The following STXBP5L variants were observed in gnomAD, a reference collection of about 807,000 sequenced individuals.
The protein encoded by STXBP5L is syntaxin binding protein 5L.
A neutral mutation model predicts 144.5 loss-of-function variants in STXBP5L; 65 were observed. That is an observed-to-expected ratio of 0.45 (90% CI 0.37 to 0.55). STXBP5L has a LOEUF of 0.55. Ranked by LOEUF, STXBP5L falls within the 20% of genes least tolerant of loss-of-function variation. STXBP5L has a pLI of 0.00. For synonymous variants in STXBP5L, 505 were observed against 469.6 expected (o/e 1.08, Z -0.97); for missense variants, 1,298 against 1,405.5 (o/e 0.92, Z 1.22).
chr3:121,123,664 G>C (rs1292630142), intron 7 of STXBP5L, among the ~76,000 whole-genome samples: 1 of 151,454 alleles, frequency 6.6e-6, no homozygotes, highest in Non-Finnish European at 1.5e-5. Flanking sequence ...TATTTGTGTT[G>C]TTCAAATTTT....
At chr3:120,914,392 C>T (rs779746329) in intron 2 of STXBP5L, among the ~76,000 whole-genome samples, 2 of 151,908 alleles carry the variant, frequency 1.3e-5, no homozygotes, top group Non-Finnish European at 2.9e-5. Flanking sequence ...ATGTAGTTAA[C>T]TAGTATAACT....
chr3:120,992,243 A>G (rs1942969442), intron 3 of STXBP5L, among the ~76,000 whole-genome samples: 1 of 152,058 alleles, frequency 6.6e-6, no homozygotes, highest in African/African-American at 2.4e-5. Flanking sequence ...GTAGTGATCA[A>G]CTCAGAATGT....
chr3:121,106,221 G>T (rs1237618025), intron 5 of STXBP5L, among the ~76,000 whole-genome samples: 1 of 152,088 alleles, frequency 6.6e-6, no homozygotes, highest in Non-Finnish European at 1.5e-5. Flanking sequence ...ACGGATGTGT[G>T]TGTATAATCT....
At chr3:121,313,898 AC>A (rs1295175181) in intron 19 of STXBP5L, among the ~76,000 whole-genome samples, 1 of 141,278 alleles carries the variant, frequency 7.1e-6, no homozygotes, top group Non-Finnish European at 1.5e-5. Flanking sequence ...CCGGGCAGAG[AC>A]GCTCCTCACC....
intron 7 of STXBP5L, among the ~76,000 whole-genome samples, chr3:121,122,698 A>G (rs1313665541): frequency 1.3e-5 from 2 of 151,522 alleles, no homozygotes; most frequent in African/African-American, 4.8e-5. Context: ...TCATAGATAC[A>G]TAAAGAACCA....
chr3:121,325,938 T>G (rs2044130325), intron 20 of STXBP5L, among the ~76,000 whole-genome samples: 1 of 151,784 alleles, frequency 6.6e-6, no homozygotes, highest in Non-Finnish European at 1.5e-5. Flanking sequence ...TCTTCAGGTC[T>G]TCAGACTTCA....
intron 3 of STXBP5L, among the ~76,000 whole-genome samples, chr3:121,014,922 TA>T (rs1945038023): frequency 6.6e-6 from 1 of 152,156 alleles, no homozygotes; most frequent in East Asian, 1.9e-4. Flanking sequence ...TTAATATTGA[TA>T]AAAATAATAA....
rs757170183 is a variant in STXBP5L, at chr3:121,341,423, G to A, written c.2176+22883G>A. ...GTAGAAAAGCACTGTTGGTGGGAAT[G>A]TAAATTAGTACAGCCACTATGGAGA... is the stretch of plus-strand genomic sequence containing the variant. On this transcript the variant is annotated intron_variant, in intron 20 of 26. Coordinates refer to ENST00000471454, the MANE Select transcript of STXBP5L (RefSeq NM_001308330.2). 3.3e-5 allele frequency among the ~76,000 whole-genome samples: 5 copies of A among 152,252 alleles called. No individual in the cohort carries two copies. The South Asian group carries it at 6.2e-4, about 19-fold the overall frequency.
intron 11 of STXBP5L, 49 bp downstream of exon 11, chr3:121,223,206 G>A (rs750690229): frequency 1.3e-6 from 2 of 1,533,134 alleles, no homozygotes; most frequent in South Asian, 2.5e-5. Flanking sequence ...TTTTGGAAAT[G>A]ACAAGTTTCT....
chr3:120,983,114 G>C (rs1013638521), intron 3 of STXBP5L, among the ~76,000 whole-genome samples: 1 of 152,170 alleles, frequency 6.6e-6, no homozygotes, highest in African/African-American at 2.4e-5. Context: ...CTGTCCTTGA[G>C]GCATATGAAA....
intron 19 of STXBP5L, among the ~76,000 whole-genome samples, chr3:121,310,864 G>A (rs368334846): frequency 4.6e-5 from 7 of 151,786 alleles, no homozygotes; most frequent in South Asian, 4.2e-4. Context: ...AGCCAAGATC[G>A]CACCACTGCA....
chr3:121,005,503 C>T (rs1944213068), intron 3 of STXBP5L, among the ~76,000 whole-genome samples: 1 of 152,136 alleles, frequency 6.6e-6, no homozygotes, highest in East Asian at 1.9e-4. Flanking sequence ...ACAAAACCAG[C>T]TCCTGGATTC....
intron 10 of STXBP5L, among the ~76,000 whole-genome samples, chr3:121,208,926 A>T (rs2048444930): frequency 6.6e-6 from 1 of 151,358 alleles, no homozygotes; most frequent in African/African-American, 2.4e-5. Flanking sequence ...CAACCCCCAC[A>T]ACCCCCAACA....
chr3:121,259,176 A>G lies in STXBP5L; in HGVS notation c.1958+8A>G. ...AAGCTCAGCATATGGAATGTAAGTA[A>G]TTAAACTTTTTTATGATATGTATTA... On this transcript the variant is annotated splice_region_variant and intron_variant, in intron 18 of 26. Coordinates refer to ENST00000471454, the MANE Select transcript of STXBP5L (RefSeq NM_001308330.2). 1 of 1,528,358 alleles carries G rather than the reference A, an allele frequency of 6.5e-7. No individual in the cohort carries two copies. The highest frequency in any genetic ancestry group is 8.8e-7 in the Non-Finnish European group (1 of 1,135,738). 94.7% of individuals were successfully genotyped at this position (1,528,358 alleles called of 1,614,324 possible). A position where few individuals can be genotyped will look rare whatever the true frequency, so the allele number is the denominator to read the frequency against.
At chr3:120,957,160 A>G (rs984604671) in intron 3 of STXBP5L, among the ~76,000 whole-genome samples, 1 of 151,936 alleles carries the variant, frequency 6.6e-6, no homozygotes, top group Non-Finnish European at 1.5e-5. Flanking sequence ...GGGCTCTCCT[A>G]TTCTATTCCA....
Position 121,209,149 on chromosome 3 carries a change from A to G in STXBP5L, c.956+3148A>G, listed in dbSNP as rs193090698. ...TTATTCCATGGTGTATATGTGCTAC[A>G]TTTTCGTTATCCAATCTATCATTGA... On this transcript the variant is annotated intron_variant, in intron 10 of 26. Coordinates refer to ENST00000471454, the MANE Select transcript of STXBP5L (RefSeq NM_001308330.2). Among the ~76,000 whole-genome samples the G allele has an allele frequency of 1.1e-4, 16 of 152,148 alleles. 1 individual carries two copies. In the East Asian group the frequency reaches 2.5e-3, roughly 24 times the overall value.
At chr3:121,269,497 G>C (rs763511847) in intron 18 of STXBP5L, among the ~76,000 whole-genome samples, 4 of 151,954 alleles carry the variant, frequency 2.6e-5, no homozygotes, top group Non-Finnish European at 5.9e-5. Flanking sequence ...TAGTTTATTA[G>C]TGACAGCAAA....
At position 121,042,572 on chromosome 3, in the gene STXBP5L, T is replaced by C. The variant is rs574003516; in HGVS notation, c.369+791T>C. Among the ~76,000 whole-genome samples, 5 of 152,306 alleles carry C rather than the reference T, an allele frequency of 3.3e-5. No individual in the cohort carries two copies. The East Asian group carries it at 5.8e-4, about 18-fold the overall frequency. On this transcript the variant is annotated intron_variant, in intron 4 of 26. Coordinates refer to ENST00000471454, the MANE Select transcript of STXBP5L (RefSeq NM_001308330.2). ...AAAAAAATGTTTGGTTATTTTCTCATGGCATGACAATGATCTTTCATTCAG... is the reference window on the plus strand; with the variant it reads ...AAAAAAATGTTTGGTTATTTTCTCACGGCATGACAATGATCTTTCATTCAG...
intron 20 of STXBP5L, among the ~76,000 whole-genome samples, chr3:121,329,876 C>T (rs188358211): frequency 1.8e-4 from 27 of 151,454 alleles, no homozygotes; most frequent in Admixed American, 7.3e-4. Flanking sequence ...TTCCTCTTGC[C>T]GAATTAAAGA....
Sources: gnomAD v4.1 joint callset for allele counts (sites outside exome capture counted in the v4.1 genomes callset) on GRCh38, gnomAD v4.1.1 for gene constraint, MANE v1.5 for transcripts, NCBI Gene and HGNC (gene_info 2026-07-23, HGNC 2026-07-21) for gene names.